NTRK3: variants seen among roughly 807,000 people sequenced by gnomAD.
NTRK3 encodes neurotrophic receptor tyrosine kinase 3.
In NTRK3, 24 loss-of-function variants were observed where a neutral mutation model predicts 91.7. The ratio of observed to expected loss-of-function variants is 0.26; its 90% CI spans 0.19 to 0.37. The LOEUF (loss-of-function observed/expected upper bound fraction) is 0.37. Among genes scored for constraint, NTRK3 ranks in the 10% least tolerant of loss-of-function variants. The probability of loss-of-function intolerance (pLI) is 1.00; values close to 1 mark genes in which losing one functional copy is unlikely to be tolerated. For synonymous variants in NTRK3, 483 were observed against 404.0 expected, an observed-to-expected ratio of 1.20 and a Z score of -2.34; for missense variants, 880 against 1,068.9, an observed-to-expected ratio of 0.82 and a Z score of 2.46.
intron 5 of NTRK3, among the ~76,000 whole-genome samples, chr15:88,147,725 T>G (rs1460562220): frequency 2.0e-5 from 3 of 152,178 alleles, no homozygotes; most frequent in Non-Finnish European, 4.4e-5. Context: ...AGAGCCTTTA[T>G]GAAGCCATCC....
At chr15:88,055,963 C>G (rs1453706849) in intron 13 of NTRK3, among the ~76,000 whole-genome samples, 1 of 151,970 alleles carries the variant, frequency 6.6e-6, no homozygotes, top group South Asian at 2.1e-4. Context: ...CCAACCGAAG[C>G]CACTGGCAAA....
chr15:88,017,142 G>A (rs2077290664), intron 14 of NTRK3, among the ~76,000 whole-genome samples: 2 of 152,080 alleles, frequency 1.3e-5, no homozygotes, highest in Non-Finnish European at 2.9e-5. Context: ...AGAAATATAA[G>A]GTGAGTGATT....
intron 3 of NTRK3, among the ~76,000 whole-genome samples, chr15:88,210,438 T>A (rs1198617731): frequency 6.6e-6 from 1 of 152,228 alleles, no homozygotes; most frequent in Non-Finnish European, 1.5e-5. Context: ...AAAGGAATGC[T>A]ACAGAATGTC....
chr15:88,200,476 G>A (rs1567634008), intron 3 of NTRK3, among the ~76,000 whole-genome samples: 1 of 152,116 alleles, frequency 6.6e-6, no homozygotes, highest in Non-Finnish European at 1.5e-5. Context: ...TAATCCCCAC[G>A]TGTCATGGAA....
At chr15:87,911,923 A>C (rs1169099385) in intron 17 of NTRK3, among the ~76,000 whole-genome samples, 1 of 152,230 alleles carries the variant, frequency 6.6e-6, no homozygotes, top group Non-Finnish European at 1.5e-5. Context: ...ATTATGTGTC[A>C]ATCAAAGTTC....
intron 17 of NTRK3, among the ~76,000 whole-genome samples, chr15:87,882,739 T>C (rs772149002): frequency 5.3e-5 from 8 of 152,084 alleles, no homozygotes; most frequent in Non-Finnish European, 8.8e-5. Flanking sequence ...TAAATATGCT[T>C]ACTAAAATTT....
At chr15:87,953,438 AG>A (rs1294124084) in intron 14 of NTRK3, among the ~76,000 whole-genome samples, 1 of 152,204 alleles carries the variant, frequency 6.6e-6, no homozygotes. Context: ...GAGAAGTGTG[AG>A]GTTTCAATGA....
intron 13 of NTRK3, among the ~76,000 whole-genome samples, chr15:88,121,936 A>C (rs2052754500): frequency 6.6e-6 from 1 of 152,174 alleles, no homozygotes; most frequent in Non-Finnish European, 1.5e-5. Context: ...CCCAAGCCAA[A>C]ATTTTGATCA....
At chr15:88,147,158 C>G (rs2042960204) in intron 6 of NTRK3, among the ~76,000 whole-genome samples, 177 bp downstream of exon 6, 1 of 152,130 alleles carries the variant, frequency 6.6e-6, no homozygotes, top group African/African-American at 2.4e-5. Flanking sequence ...CATCCGAAGT[C>G]AAGCAAAAGG....
At chr15:87,867,013 G>C (rs1370585947) in exon 19 of NTRK3, 1 of 220,956 alleles carries the variant, frequency 4.5e-6, no homozygotes, top group African/African-American at 2.2e-5. Flanking sequence ...AAACAACAGA[G>C]GAAATTAAAA....
At chr15:88,083,882 G>A (rs889533645) in intron 13 of NTRK3, among the ~76,000 whole-genome samples, 20 of 152,092 alleles carry the variant, frequency 1.3e-4, no homozygotes, top group African/African-American at 4.3e-4. Context: ...GGGGAGGGGA[G>A]GGGTGTAAGG....
intron 14 of NTRK3, among the ~76,000 whole-genome samples, chr15:87,973,444 T>G (rs1033319024): frequency 2.0e-5 from 3 of 152,074 alleles, no homozygotes; most frequent in Non-Finnish European, 4.4e-5. Context: ...CACTTTTGGG[T>G]TCAAGTAGGG....
rs887778649 is a variant in NTRK3 at position 88,241,439 on chromosome 15, C to T, written c.248+14467G>A. 1.3e-5 allele frequency among the ~76,000 whole-genome samples: 2 copies of T among 152,148 alleles called. No homozygotes were observed. Among genetic ancestry groups the T allele is most frequent in the African/African-American group, 4.8e-5 (2 of 41,426 alleles). On this transcript the variant is annotated intron_variant, in intron 3 of 18. Transcript: ENST00000394480. This position sits in a 1 kb window ranked among gnomAD's most constrained non-coding sequence, Gnocchi z 4.3. ...ACCAATCATTTCCAGGGAGACAGAA[C>T]ATGACCCCGGAAAATGAACCCTAGA...
chr15:87,954,567 T>C (rs1278535438), intron 14 of NTRK3, among the ~76,000 whole-genome samples: 1 of 152,168 alleles, frequency 6.6e-6, no homozygotes, highest in African/African-American at 2.4e-5. Context: ...AGGAATTAAA[T>C]ATTTGGATGG....
intron 17 of NTRK3, among the ~76,000 whole-genome samples, chr15:87,883,453 T>A (rs943710814): frequency 1.7e-4 from 25 of 149,982 alleles, no homozygotes; most frequent in Non-Finnish European, 3.3e-4. Flanking sequence ...AAAAGAAAAC[T>A]GACAAAGCTA....
chr15:88,045,638 G>C (rs1264760560), intron 13 of NTRK3, among the ~76,000 whole-genome samples: 1 of 152,160 alleles, frequency 6.6e-6, no homozygotes, highest in Non-Finnish European at 1.5e-5. Context: ...TACAGTTCTG[G>C]AGGCTAGCAG....
chr15:88,140,891 T>C (rs574179782), intron 6 of NTRK3, among the ~76,000 whole-genome samples: 1 of 152,040 alleles, frequency 6.6e-6, no homozygotes, highest in Non-Finnish European at 1.5e-5. Context: ...GAAGAGAAGA[T>C]CCAGTTAACA....
At chr15:88,054,156 G>T (rs1163936810) in intron 13 of NTRK3, among the ~76,000 whole-genome samples, 1 of 152,222 alleles carries the variant, frequency 6.6e-6, no homozygotes, top group East Asian at 1.9e-4. Flanking sequence ...TGCCTCATTT[G>T]TTTGTACTGC....
rs536292400 is a variant in NTRK3, at chr15:88,234,956, C to T, written c.248+20950G>A. Among the ~76,000 whole-genome samples the T allele has an allele frequency of 2.6e-5, 4 of 152,256 alleles. No homozygotes were observed. Among genetic ancestry groups the T allele is most frequent in the South Asian group, 2.1e-4 (1 of 4,820 alleles). ...AACCTGAGAGGCGTTGCACTGGCTA[C>T]GCCCTGGGCCTGGAAACTTCTGGCT... On this transcript the variant is annotated intron_variant, in intron 3 of 18. Transcript: ENST00000394480. This position sits in a 1 kb window ranked among gnomAD's most constrained non-coding sequence, Gnocchi z 6.1.
Sources: gnomAD v4.1 joint callset for allele counts (sites outside exome capture counted in the v4.1 genomes callset) on GRCh38, gnomAD v4.1.1 for gene constraint, Gnocchi (gnomAD v3.1) non-coding constraint, MANE v1.5 for transcripts, NCBI Gene and HGNC (gene_info 2026-07-23, HGNC 2026-07-21) for gene names.